PTPRT: variants seen among roughly 807,000 people sequenced by gnomAD.
PTPRT encodes receptor-type tyrosine-protein phosphatase T.
In PTPRT, 56 loss-of-function variants were observed where a neutral mutation model predicts 176.8. That is an observed-to-expected ratio of 0.32 (90% confidence interval 0.26 to 0.40). The LOEUF (loss-of-function observed/expected upper bound fraction) is 0.40, where lower values mean the gene tolerates loss of function less well. PTPRT is among the 10% of genes least tolerant of loss of function. The pLI is 1.00. For synonymous variants in PTPRT, 783 were observed against 739.0 expected, an observed-to-expected ratio of 1.06 and a Z score of -0.96; for missense variants, 1,540 against 1,908.2, an observed-to-expected ratio of 0.81 and a Z score of 3.60.
intron 7 of PTPRT, among the ~76,000 whole-genome samples, chr20:42,585,322 CAT>C (rs1416819089): frequency 1.3e-5 from 2 of 152,192 alleles, no homozygotes; most frequent in South Asian, 2.1e-4. Flanking sequence ...GCTATTGACT[CAT>C]GTGTCCTCTG....
At chr20:42,278,435 A>G (rs2057084063) in intron 13 of PTPRT, among the ~76,000 whole-genome samples, 1 of 151,802 alleles carries the variant, frequency 6.6e-6, no homozygotes, top group Admixed American at 6.6e-5. Flanking sequence ...AAAAGGATAG[A>G]AGCTTAGAGG....
intron 27 of PTPRT, among the ~76,000 whole-genome samples, chr20:42,088,773 G>T (rs1270479063): frequency 6.6e-6 from 1 of 152,100 alleles, no homozygotes; most frequent in Non-Finnish European, 1.5e-5. Context: ...TTCCTATCTG[G>T]CTCTTTACAG....
intron 2 of PTPRT, among the ~76,000 whole-genome samples, chr20:42,835,243 T>A (rs1378952361): frequency 1.3e-5 from 2 of 151,930 alleles, no homozygotes; most frequent in African/African-American, 4.8e-5. Context: ...GGAGATGAGA[T>A]TAACACTTTT....
chr20:42,038,103 C>T, the PTPRT span, among the ~76,000 whole-genome samples: 1 of 152,176 alleles, frequency 6.6e-6, no homozygotes, highest in Non-Finnish European at 1.5e-5. Context: ...CCTTTTTACA[C>T]CTTACAGAAT....
rs185890070 is a variant in PTPRT, at chr20:43,074,966, C to G, written c.88+114680G>C. On this transcript the variant is annotated intron_variant, in intron 1 of 30. Coordinates refer to ENST00000373187, the MANE Select transcript of PTPRT (RefSeq NM_007050.6). ...GATGTGCTTACTTCAACTGCGAAAG[C>G]ACACATCTCATTCTGCCCCTTCCCA... Among the ~76,000 whole-genome samples the G allele has an allele frequency of 3.3e-5, 5 of 152,342 alleles. No individual in the cohort carries two copies. The East Asian group carries it at 9.7e-4, about 29-fold the overall frequency.
chr20:42,780,568 G>A (rs1049027047), intron 3 of PTPRT, among the ~76,000 whole-genome samples: 7 of 152,102 alleles, frequency 4.6e-5, no homozygotes, highest in South Asian at 2.1e-4. Context: ...CCCAAACACC[G>A]AGGTCTCGGA....
At chr20:42,553,955 G>A (rs918243206) in intron 7 of PTPRT, among the ~76,000 whole-genome samples, 2 of 152,146 alleles carry the variant, frequency 1.3e-5, no homozygotes, top group Admixed American at 1.3e-4. Context: ...TGATGTCAAA[G>A]TTTCTGGCAG....
intron 15 of PTPRT, among the ~76,000 whole-genome samples, chr20:42,213,961 A>C (rs1222804183): frequency 6.6e-6 from 1 of 152,212 alleles, no homozygotes; most frequent in Non-Finnish European, 1.5e-5. Context: ...TTTGTTTAAT[A>C]AACATTATAG....
intron 1 of PTPRT, among the ~76,000 whole-genome samples, chr20:42,908,095 G>A (rs1419321904): frequency 1.3e-5 from 2 of 152,150 alleles, no homozygotes; most frequent in Middle Eastern, 3.4e-3. Context: ...CTGCAACTGC[G>A]CTAAGGCAGA....
intron 9 of PTPRT, among the ~76,000 whole-genome samples, chr20:42,361,238 G>C (rs562889998): frequency 2.5e-4 from 38 of 152,292 alleles, no homozygotes; most frequent in South Asian, 8.3e-4. Flanking sequence ...GCACAGAGTT[G>C]GTGCTCAGTA....
chr20:42,914,959 T>C (rs985518394), intron 1 of PTPRT, among the ~76,000 whole-genome samples: 18 of 152,102 alleles, frequency 1.2e-4, no homozygotes, highest in African/African-American at 4.3e-4. Context: ...TAGGGTACCC[T>C]TTACCATTCC....
At chr20:42,755,846 C>T (rs924560437) in intron 6 of PTPRT, among the ~76,000 whole-genome samples, 4 of 152,082 alleles carry the variant, frequency 2.6e-5, no homozygotes, top group Admixed American at 1.3e-4. Context: ...AGATAGCATA[C>T]GATCACTAAG....
intron 7 of PTPRT, among the ~76,000 whole-genome samples, chr20:42,643,764 T>C (rs1338168581): frequency 6.6e-6 from 1 of 152,066 alleles, no homozygotes; most frequent in Non-Finnish European, 1.5e-5. Context: ...GTGCACACTA[T>C]AAGAGAGCTC....
rs62205773 is a variant in PTPRT, at chr20:42,513,326, T to C, written c.1154-40764A>G. The stretch of plus-strand genomic sequence containing the variant: ...TTTCTTAATTTTGTTAATTTCTGGA[T>C]ACCCAATTTTCTTTCTTCTACTTTT... On this transcript the variant is annotated intron_variant, in intron 7 of 30. Coordinates refer to ENST00000373187, the MANE Select transcript of PTPRT (RefSeq NM_007050.6). 7.9e-3 allele frequency among the ~76,000 whole-genome samples: 1,201 copies of C among 152,134 alleles called. 11 individuals are homozygous for C. Among genetic ancestry groups the C allele is most frequent in the Middle Eastern group, 0.014 (4 of 294 alleles).
At chr20:43,149,109 C>T (rs868149178) in intron 1 of PTPRT, among the ~76,000 whole-genome samples, 2 of 152,126 alleles carry the variant, frequency 1.3e-5, no homozygotes, top group African/African-American at 2.4e-5. Flanking sequence ...ACAAATAATA[C>T]ACATATTTGA....
chr20:43,057,770 C>T (rs762737714), intron 1 of PTPRT, among the ~76,000 whole-genome samples: 12 of 152,216 alleles, frequency 7.9e-5, no homozygotes, highest in Non-Finnish European at 1.8e-4. Context: ...CTTGTACTTC[C>T]AGATTGGGCA....
intron 9 of PTPRT, among the ~76,000 whole-genome samples, chr20:42,382,631 A>G (rs1469613007): frequency 6.6e-6 from 1 of 152,192 alleles, no homozygotes; most frequent in East Asian, 1.9e-4. Context: ...GACAAAGCAG[A>G]ATAAATAATG....
chr20:42,109,933 C>T (rs945099933), intron 23 of PTPRT, among the ~76,000 whole-genome samples: 5 of 152,068 alleles, frequency 3.3e-5, no homozygotes, highest in African/African-American at 1.2e-4. Context: ...AAGCACTGGG[C>T]ATGGGGGGGA....
rs775362831 is a variant in PTPRT at position 42,085,820 on chromosome 20, C to T, written c.3880G>A (p.Gly1294Arg). ...TCCACCTGGATGGGCCCATAGCACC[C>T]GGAGGTCTTCTCAGGCCAGTACTGC... is the stretch of plus-strand genomic sequence containing the variant. ...CMQYWPEKTSGCYGPIQVEFV... is the reference protein window; with the variant it reads ...CMQYWPEKTSRCYGPIQVEFV... The change falls in exon 28 of 31, where the codon GGG becomes AGG. Residue 1294 changes from glycine (G) to arginine (R), a missense_variant. Around this residue, in one of 11 missense-constraint regions of PTPRT, gnomAD observed 342 missense variants for 394.0 expected, o/e 0.87. Coordinates refer to ENST00000373187, the MANE Select transcript of PTPRT (RefSeq NM_007050.6). 6.8e-6 allele frequency: 11 copies of T among 1,613,442 alleles called. No individual in the cohort carries two copies. The highest frequency in any genetic ancestry group is 4.4e-5 in the South Asian group (4 of 91,076).
Sources: allele counts gnomAD v4.1 joint callset (sites outside exome capture counted in the v4.1 genomes callset), GRCh38; gene constraint gnomAD v4.1.1; regional missense constraint gnomAD v4.1.1; transcripts MANE v1.5; gene names NCBI Gene and HGNC (gene_info 2026-07-23, HGNC 2026-07-21).